The following NTM variants were observed in gnomAD, a reference collection of about 807,000 sequenced individuals.
NTM encodes IgLON family member 2.
A neutral mutation model predicts 42.1 loss-of-function variants in NTM; 13 were observed. The observed-to-expected ratio is 0.31, with a 90% CI of 0.20 to 0.49. NTM has a LOEUF of 0.49. NTM is among the 20% of genes least tolerant of loss of function. The probability of loss-of-function intolerance (pLI) is 0.99; values close to 1 mark genes in which losing one functional copy is unlikely to be tolerated. For synonymous variants in NTM, 187 were observed against 179.2 expected (o/e 1.04, Z -0.35); for missense variants, 373 against 452.8 (o/e 0.82, Z 1.60).
At chr11:131,936,570 A>C (rs2134157423) in intron 2 of NTM, among the ~76,000 whole-genome samples, 1 of 152,324 alleles carries the variant, frequency 6.6e-6, no homozygotes, top group South Asian at 2.1e-4. Flanking sequence ...GGTGCATGAA[A>C]ATCCTAGACT....
chr11:131,501,666 C>T (rs73572350), intron 1 of NTM, among the ~76,000 whole-genome samples: 4,720 of 152,212 alleles, frequency 0.031, 246 homozygotes, highest in African/African-American at 0.11. Flanking sequence ...GGGGCTGTTG[C>T]AGTGAAAGCA....
chr11:131,915,427 A>G (rs1260826860), intron 2 of NTM, among the ~76,000 whole-genome samples: 1 of 152,228 alleles, frequency 6.6e-6, no homozygotes, highest in African/African-American at 2.4e-5. Context: ...TTGTCATGGC[A>G]TGAGCACTGT....
chr11:132,251,092 A>G (rs568857154), intron 4 of NTM, among the ~76,000 whole-genome samples: 17 of 152,228 alleles, frequency 1.1e-4, no homozygotes, highest in Non-Finnish European at 2.2e-4. Context: ...TAGCCCAGGT[A>G]ATTCAAACCG....
At chr11:131,884,180 C>A (rs768078679) in intron 1 of NTM, among the ~76,000 whole-genome samples, 1 of 152,054 alleles carries the variant, frequency 6.6e-6, no homozygotes, top group African/African-American at 2.4e-5. Context: ...GAGGCTGAGG[C>A]GGGCAGATCA....
intron 1 of NTM, among the ~76,000 whole-genome samples, chr11:131,489,864 GT>G (rs2136288037): frequency 6.6e-6 from 1 of 152,224 alleles, no homozygotes; most frequent in African/African-American, 2.4e-5. Flanking sequence ...GTCTTTTTCT[GT>G]TGCTATAAAG....
At chr11:131,617,682 T>C (rs1184880123) in intron 1 of NTM, among the ~76,000 whole-genome samples, 5 of 152,306 alleles carry the variant, frequency 3.3e-5, no homozygotes, top group Admixed American at 3.3e-4. Context: ...GAACTGGCAA[T>C]ATAGGGGCTC....
chr11:132,293,549 CG>C (rs1565406143), intron 4 of NTM, among the ~76,000 whole-genome samples: 1 of 151,958 alleles, frequency 6.6e-6, no homozygotes, highest in Admixed American at 6.6e-5. Flanking sequence ...TATGAAACAG[CG>C]GGTGTGAGAC....
At chr11:132,189,673 C>G (rs2078990825) in intron 3 of NTM, among the ~76,000 whole-genome samples, 1 of 151,780 alleles carries the variant, frequency 6.6e-6, no homozygotes, top group African/African-American at 2.4e-5. Flanking sequence ...CACACAGACA[C>G]ACACGATACT....
At chr11:131,923,414 A>G (rs543813656) in intron 2 of NTM, among the ~76,000 whole-genome samples, 1 of 152,346 alleles carries the variant, frequency 6.6e-6, no homozygotes, top group Admixed American at 6.5e-5. Flanking sequence ...GAGGAAACTC[A>G]GGTCTGTCTC....
intron 2 of NTM, among the ~76,000 whole-genome samples, chr11:132,001,146 A>G (rs1473921991): frequency 6.6e-6 from 1 of 152,200 alleles, no homozygotes; most frequent in Admixed American, 6.5e-5. Context: ...GCTAAAGAAA[A>G]AAAGCGGCAT....
chr11:131,886,128 C>A (rs994231728), intron 1 of NTM, among the ~76,000 whole-genome samples: 10 of 152,192 alleles, frequency 6.6e-5, no homozygotes. Context: ...CAGGCACAAG[C>A]AAGGCTCAGT....
chr11:131,632,088 T>A (rs1256064143), intron 1 of NTM, among the ~76,000 whole-genome samples: 1 of 152,234 alleles, frequency 6.6e-6, no homozygotes. Flanking sequence ...GCAGATGTGG[T>A]GATTTCTTAA....
chr11:131,962,514 A>C (rs2062325327), intron 2 of NTM, among the ~76,000 whole-genome samples: 1 of 152,162 alleles, frequency 6.6e-6, no homozygotes, highest in Non-Finnish European at 1.5e-5. Context: ...AGAACACAAC[A>C]AGAAGGCAGC....
chr11:131,544,185 A>C (rs1156310518), intron 1 of NTM, among the ~76,000 whole-genome samples: 1 of 152,260 alleles, frequency 6.6e-6, no homozygotes, highest in Non-Finnish European at 1.5e-5. Context: ...GTTTCCAGAC[A>C]TCTCTTTCTG....
At chr11:131,588,851 C>T (rs1296536460) in intron 1 of NTM, among the ~76,000 whole-genome samples, 1 of 152,178 alleles carries the variant, frequency 6.6e-6, no homozygotes, top group African/African-American at 2.4e-5. Flanking sequence ...ACATTAACTG[C>T]TTGATGATTC....
intron 1 of NTM, among the ~76,000 whole-genome samples, chr11:131,750,917 G>A (rs926896035): frequency 2.0e-5 from 3 of 152,128 alleles, no homozygotes; most frequent in African/African-American, 7.2e-5. Context: ...CCCCTGCCTC[G>A]GTGTTTCCAA....
intron 1 of NTM, among the ~76,000 whole-genome samples, chr11:131,529,043 C>T (rs1290087064): frequency 1.3e-5 from 2 of 152,228 alleles, no homozygotes; most frequent in Non-Finnish European, 2.9e-5. Context: ...CGCTTCAGCA[C>T]ACTTCAAGCC....
intron 2 of NTM, among the ~76,000 whole-genome samples, chr11:132,032,115 T>G (rs2076001162): frequency 6.6e-6 from 1 of 152,196 alleles, no homozygotes; most frequent in Admixed American, 6.5e-5. Flanking sequence ...TGCTGCTGAC[T>G]CCACCACTCC....
At position 132,236,021 on chromosome 11, in the gene NTM, C is replaced by CACACACACACACAT. The variant is rs71477750; in HGVS notation, c.526+23875_526+23876insCACACACACACATA. ...ACACACACACACACACACACACACA[C>CACACACACACACAT]AACAAAATTGTATAACTCGCTTAAT... On this transcript the variant is annotated intron_variant, in intron 4 of 8. Coordinates refer to ENST00000683400, the MANE Select transcript of NTM (RefSeq NM_001352005.2). 3.1e-4 allele frequency among the ~76,000 whole-genome samples: 47 copies of CACACACACACACAT among 150,916 alleles called. 1 individual carries two copies. Among genetic ancestry groups the CACACACACACACAT allele is most frequent in the South Asian group, 1.3e-3 (6 of 4,768 alleles).
Sources: allele counts gnomAD v4.1 joint callset (sites outside exome capture counted in the v4.1 genomes callset), GRCh38; gene constraint gnomAD v4.1.1; transcripts MANE v1.5; gene names NCBI Gene and HGNC (gene_info 2026-07-23, HGNC 2026-07-21).